ASTN2: variants seen among roughly 807,000 people sequenced by gnomAD.
The protein encoded by ASTN2 is astrotactin-2.
ASTN2 carries 54 observed loss-of-function variants against 139.8 expected under a neutral mutation model. That is an observed-to-expected ratio of 0.39 (90% CI 0.31 to 0.48). The LOEUF is 0.48. ASTN2 is among the 20% of genes least tolerant of loss of function. ASTN2 has a pLI of 0.95. For missense variants in ASTN2, 1,565 were observed against 1,725.1 expected, an observed-to-expected ratio of 0.91 and a Z score of 1.64; for synonymous variants, 756 against 719.5, an observed-to-expected ratio of 1.05 and a Z score of -0.81.
intron 5 of ASTN2, among the ~76,000 whole-genome samples, chr9:117,070,065 G>A (rs904420145): frequency 6.7e-6 from 1 of 149,548 alleles, no homozygotes; most frequent in Non-Finnish European, 1.5e-5. Context: ...ATGTTAGCTG[G>A]TGATTTTGCT....
chr9:116,820,302 C>T (rs151050542), intron 12 of ASTN2, among the ~76,000 whole-genome samples: 1 of 152,190 alleles, frequency 6.6e-6, no homozygotes, highest in African/African-American at 2.4e-5. Flanking sequence ...TGACTAGGCC[C>T]ATACAGGTAG....
At chr9:116,787,596 C>T (rs564545876) in intron 13 of ASTN2, among the ~76,000 whole-genome samples, 261 of 152,268 alleles carry the variant, frequency 1.7e-3, no homozygotes, top group African/African-American at 6.2e-3. Flanking sequence ...GTTCAATCTC[C>T]TAATGTCCTC....
intron 19 of ASTN2, among the ~76,000 whole-genome samples, chr9:116,530,979 C>T (rs183939867): frequency 1.3e-5 from 2 of 152,136 alleles, no homozygotes; most frequent in African/African-American, 2.4e-5. Flanking sequence ...AATGAATACA[C>T]AGATATTTTA....
intron 2 of ASTN2, among the ~76,000 whole-genome samples, chr9:117,247,830 G>A (rs182693102): frequency 1.3e-5 from 2 of 152,324 alleles, no homozygotes; most frequent in South Asian, 4.1e-4. Context: ...CTGGCACATG[G>A]CACTGGGGTG....
At chr9:116,919,082 C>T (rs941975566) in intron 10 of ASTN2, among the ~76,000 whole-genome samples, 10 of 152,046 alleles carry the variant, frequency 6.6e-5, no homozygotes, top group South Asian at 4.2e-4. Context: ...GGGCTTCCCA[C>T]AGAGGATGTT....
intron 16 of ASTN2, among the ~76,000 whole-genome samples, chr9:116,654,040 G>A (rs966203524): frequency 2.0e-5 from 3 of 152,148 alleles, no homozygotes; most frequent in Non-Finnish European, 4.4e-5. Flanking sequence ...TAGACCAGAC[G>A]GATAGTTTTG....
At chr9:116,964,916 A>C (rs1835973299) in intron 10 of ASTN2, among the ~76,000 whole-genome samples, 1 of 152,218 alleles carries the variant, frequency 6.6e-6, no homozygotes, top group South Asian at 2.1e-4. Context: ...CAGTATCTCC[A>C]TTCACATGAC....
intron 19 of ASTN2, among the ~76,000 whole-genome samples, chr9:116,569,844 G>A (rs536310771): frequency 1.3e-5 from 2 of 152,310 alleles, no homozygotes; most frequent in South Asian, 4.1e-4. Flanking sequence ...ACTGGAGCAT[G>A]CAAGGCCTTG....
chr9:116,468,085 C>T (rs73655127), intron 20 of ASTN2, among the ~76,000 whole-genome samples: 5,613 of 152,182 alleles, frequency 0.037, 341 homozygotes, highest in African/African-American at 0.13. Flanking sequence ...GACATGAAGC[C>T]GTGAATGACA....
At chr9:117,387,937 C>T (rs1830442912) in intron 1 of ASTN2, among the ~76,000 whole-genome samples, 2 of 152,066 alleles carry the variant, frequency 1.3e-5, no homozygotes, top group African/African-American at 4.8e-5. Flanking sequence ...TGAAAGGGGC[C>T]CTGGAGATCA....
chr9:116,976,195 G>A lies in ASTN2; in HGVS notation c.1677-7C>T. On this transcript the variant is annotated splice_region_variant and splice_polypyrimidine_tract_variant and intron_variant, in intron 8 of 22. Transcript: ENST00000313400. ...TGTCGTGTAGGGCCAAGGTCTATGG[G>A]AAGAAGGAGAGGGGAGAGAAGATGA... 2 of 1,612,150 alleles carry A rather than the reference G, an allele frequency of 1.2e-6. No homozygotes were observed. Among genetic ancestry groups the A allele is most frequent in the South Asian group, 2.2e-5 (2 of 90,956 alleles).
Position 116,914,547 on chromosome 9 carries a change from T to TTTATTATTA in ASTN2, c.1890-50823_1890-50815dup, listed in dbSNP as rs144153990. ...CTCTGTGCCAGACACTGTAAAGTGT[T>TTTATTATTA]TTATTATTATTATTATTATTATTAT... On this transcript the variant is annotated intron_variant, in intron 10 of 22. Coordinates refer to ENST00000313400, the MANE Select transcript of ASTN2 (RefSeq NM_001365068.1). Among the ~76,000 whole-genome samples the TTTATTATTA allele has an allele frequency of 5.1e-3, 752 of 146,892 alleles. 9 individuals carry two copies. Among genetic ancestry groups the TTTATTATTA allele is most frequent in the African/African-American group, 0.018 (703 of 40,074 alleles).
chr9:117,291,505 C>A lies in ASTN2; in HGVS notation c.451G>T (p.Gly151Cys). The change falls in exon 2 of 23, where the codon GGC becomes TGC. Residue 151 changes from glycine to cysteine, a missense_variant. Around this residue, in one of 4 missense-constraint regions of ASTN2, gnomAD observed 596 missense variants for 576.8 expected, o/e 1.03. Coordinates refer to ENST00000313400, the MANE Select transcript of ASTN2 (RefSeq NM_001365068.1). ...ACCAGCGAGATGTCCGCTGCTGTGC[C>A]AGACATCTCTGCAAGACAAGACCCG... ...ELPFFTLEMS[G>C]TAADISLVHW... The A allele has an allele frequency of 1.2e-6, 2 of 1,602,442 alleles. No individual in the cohort carries two copies. Among genetic ancestry groups the A allele is most frequent in the Non-Finnish European group, 1.7e-6 (2 of 1,173,930 alleles).
chr9:117,051,913 C>A (rs980817147), intron 5 of ASTN2, among the ~76,000 whole-genome samples: 1 of 152,130 alleles, frequency 6.6e-6, no homozygotes, highest in Admixed American at 6.5e-5. Context: ...TAACCAATAC[C>A]TCCTGGAAAA....
chr9:116,539,754 C>T (rs1311162463), intron 19 of ASTN2, among the ~76,000 whole-genome samples: 1 of 152,226 alleles, frequency 6.6e-6, no homozygotes, highest in African/African-American at 2.4e-5. Context: ...TTTCATCACA[C>T]TGCTCAGAAT....
intron 19 of ASTN2, chr9:116,569,036 A>G (rs1181992774): frequency 6.6e-6 from 1 of 152,176 alleles, no homozygotes; most frequent in African/African-American, 2.4e-5. Flanking sequence ...AGCAGATGAG[A>G]GGTTCAGAGC....
intron 20 of ASTN2, among the ~76,000 whole-genome samples, chr9:116,467,360 G>A (rs1296911533): frequency 2.6e-5 from 4 of 151,942 alleles, no homozygotes; most frequent in Non-Finnish European, 4.4e-5. Context: ...TCCCCCTCCC[G>A]GGTTCAAGCA....
intron 3 of ASTN2, 54 bp downstream of exon 3, chr9:117,214,304 T>C: frequency 6.5e-7 from 1 of 1,531,576 alleles, no homozygotes; most frequent in South Asian, 1.3e-5. Context: ...CTGCACCTCT[T>C]CCCATCTTTT....
At chr9:116,961,224 A>G (rs1888290) in intron 10 of ASTN2, among the ~76,000 whole-genome samples, 64,051 of 149,034 alleles carry the variant, frequency 0.43, 16,254 homozygotes, top group South Asian at 0.57. Flanking sequence ...TACACACAAC[A>G]TAAAATTTAC....
Sources: allele counts gnomAD v4.1 joint callset (sites outside exome capture counted in the v4.1 genomes callset), GRCh38; gene constraint gnomAD v4.1.1; regional missense constraint gnomAD v4.1.1; transcripts MANE v1.5; gene names NCBI Gene and HGNC (gene_info 2026-07-23, HGNC 2026-07-21).